COG8: variants seen among roughly 807,000 people sequenced by gnomAD.
COG8 encodes the protein conserved oligomeric Golgi complex subunit 8.
COG8 carries 45 observed loss-of-function variants against 46.5 expected under a neutral mutation model. The ratio of observed to expected loss-of-function variants is 0.97; its 90% CI spans 0.76 to 1.24. The LOEUF is 1.24. COG8 is among the 50% of genes most tolerant of loss of function. The pLI, the probability that COG8 is intolerant of heterozygous loss-of-function variation, is 0.00. For missense variants in COG8, 793 were observed against 820.8 expected (o/e 0.97, Z 0.41); for synonymous variants, 407 against 347.8 (o/e 1.17, Z -1.90).
chr16:69,331,169 C>T (rs968039469), intron 4 of COG8, 74 bp from the exon 5 acceptor site: 23 of 1,545,142 alleles, frequency 1.5e-5, no homozygotes, highest in Non-Finnish European at 1.9e-5. Context: ...TAAGGGAGGC[C>T]GGGCGCGGTG....
At chr16:69,333,983 T>C (rs937071635) in intron 3 of COG8, among the ~76,000 whole-genome samples, 1 of 152,226 alleles carries the variant, frequency 6.6e-6, no homozygotes, top group Non-Finnish European at 1.5e-5. Context: ...GCTCTCCTGC[T>C]GGCCTTGAGG....
At chr16:69,333,178 T>C (rs1294578246) in intron 3 of COG8, among the ~76,000 whole-genome samples, 1 of 146,200 alleles carries the variant, frequency 6.8e-6, no homozygotes, top group African/African-American at 2.8e-5. Context: ...TTTTTTTTTT[T>C]TTTTTTTAGA....
At chr16:69,334,424 A>G (rs2012066531) in intron 3 of COG8, 97 bp downstream of exon 3, 3 of 1,090,298 alleles carry the variant, frequency 2.8e-6, no homozygotes, top group Non-Finnish European at 4.1e-6. Context: ...TCTCCATGTC[A>G]GCAGACACCG....
chr16:69,330,462 C>T, intron 5 of COG8: 2 of 1,471,356 alleles, frequency 1.4e-6, no homozygotes, highest in South Asian at 2.6e-5. Flanking sequence ...TCGACGCCGT[C>T]CGGGGCGGCC....
rs751032320 is a variant in COG8, at chr16:69,336,677, T to G, written c.413A>C (p.Asn138Thr). 6.2e-7 allele frequency: 1 copy of G among 1,614,138 alleles called. No individual in the cohort carries two copies. Among genetic ancestry groups the G allele is most frequent in the African/African-American group, 1.3e-5 (1 of 75,052 alleles). Reference protein sequence around the residue: ...FVKEAEEISSNRRMNSLTLNR... With the variant: ...FVKEAEEISSTRRMNSLTLNR... Reference sequence around the variant, plus strand: ...TAGGGTCAGGCTATTCATCCGGCGGTTGGAGCTGATCTCCTCGGCTTCCTT... The same window carrying G: ...TAGGGTCAGGCTATTCATCCGGCGGGTGGAGCTGATCTCCTCGGCTTCCTT... Residue 138 changes from asparagine to threonine, a missense_variant, in exon 2 of 6, where the codon AAC becomes ACC. Transcript: ENST00000306875.
At chr16:69,332,364 T>C (rs2011929979) in intron 4 of COG8, among the ~76,000 whole-genome samples, 1 of 151,500 alleles carries the variant, frequency 6.6e-6, no homozygotes, top group South Asian at 2.1e-4. Context: ...AAAAAAAGAC[T>C]GTAAAAACCA....
intron 2 of COG8, among the ~76,000 whole-genome samples, chr16:69,335,815 C>CAA (rs550711525): frequency 5.6e-5 from 5 of 88,744 alleles, no homozygotes; most frequent in African/African-American, 1.3e-4. Context: ...GACTCTGTCT[C>CAA]AAAAAAAAAA....
intron 1 of COG8, among the ~76,000 whole-genome samples, chr16:69,337,565 A>G (rs1013728182): frequency 7.9e-5 from 12 of 152,140 alleles, no homozygotes; most frequent in African/African-American, 2.9e-4. Flanking sequence ...ACACTTCTCC[A>G]TATTTGCAGA....
In COG8 at chr16:69,339,523, T is replaced by A; in HGVS notation, c.30A>T (p.Val10=). 2 of 1,608,244 alleles carry A rather than the reference T, an allele frequency of 1.2e-6. No individual in the cohort carries two copies. The highest frequency in any genetic ancestry group is 1.7e-6 in the Non-Finnish European group (2 of 1,179,932). Residue 10 remains valine (V), a synonymous_variant, in exon 1 of 6, where the codon GTA becomes GTT. Transcript: ENST00000306875. ...CGAGAGCCGCTGCTGTGGCCGTGGCTACCGATGGGATAGTCGCCGCGGTCG... is the reference window on the plus strand; with the variant it reads ...CGAGAGCCGCTGCTGTGGCCGTGGCAACCGATGGGATAGTCGCCGCGGTCG... MATAATIPS[V]ATATAAALGE... is the part of the protein sequence containing the mutation.
rs1965666751 is a variant in COG8 at position 69,328,329 on chromosome 16, G to C, written c.*877C>G. On this transcript the variant is annotated 3_prime_UTR_variant, in exon 6 of 6. Coordinates refer to ENST00000306875, the MANE Select transcript of COG8 (RefSeq NM_032382.5). ...TGTATAACCAGGAAGTACTAATCCTGCTTTCTATGCCCAATTGTTAACAGG... is the reference window on the plus strand; with the variant it reads ...TGTATAACCAGGAAGTACTAATCCTCCTTTCTATGCCCAATTGTTAACAGG... The C allele has an allele frequency of 6.6e-6, 1 of 152,128 alleles. No homozygotes were observed. The highest frequency in any genetic ancestry group is 1.5e-5 in the Non-Finnish European group (1 of 68,046). The allele number at this position is 152,128 out of a possible 1,614,324, so 9.4% of individuals were successfully genotyped here.
intron 5 of COG8, among the ~76,000 whole-genome samples, chr16:69,329,746 G>C (rs1032149890): frequency 3.9e-5 from 6 of 152,250 alleles, no homozygotes; most frequent in Non-Finnish European, 8.8e-5. Flanking sequence ...GAGAGCAAGG[G>C]AGCAGAAAGC....
intron 5 of COG8, chr16:69,330,599 G>A: frequency 1.4e-6 from 2 of 1,415,430 alleles, no homozygotes; most frequent in South Asian, 1.6e-5. Flanking sequence ...GACCCGGCCC[G>A]CCCCTTCCGG....
chr16:69,335,177 C>T lies in COG8; in HGVS notation c.757G>A (p.Ala253Thr). 6.2e-7 allele frequency: 1 copy of T among 1,614,214 alleles called. No individual in the cohort carries two copies. The highest frequency in any genetic ancestry group is 8.5e-7 in the Non-Finnish European group (1 of 1,180,032). ...LRVKFLQARD[A>T]WLRSILTAIP... ...GCAGTCAGGATGGACCGGAGCCAAG[C>T]ATCTCGGGCCTGAAGAAACTTCACC... The change falls in exon 3 of 6, where the codon GCT becomes ACT. Residue 253 changes from alanine to threonine, a missense_variant. Ala to Thr is a moderately conservative substitution (Grantham distance 58). Coordinates refer to ENST00000306875, the MANE Select transcript of COG8 (RefSeq NM_032382.5).
rs1196388488 is a variant in COG8 at position 69,329,124 on chromosome 16, G to A, written c.*82C>T. 22 of 1,609,936 alleles carry A rather than the reference G, an allele frequency of 1.4e-5. No individual in the cohort carries two copies. Among genetic ancestry groups the A allele is most frequent in the Non-Finnish European group, 1.9e-5 (22 of 1,179,270 alleles). ...GGTGGTCCATCTCGTGCTGGATGATGCGGGCTGCCCACCCGCTCGCCTGCC... is the reference window on the plus strand; with the variant it reads ...GGTGGTCCATCTCGTGCTGGATGATACGGGCTGCCCACCCGCTCGCCTGCC... On this transcript the variant is annotated 3_prime_UTR_variant, in exon 6 of 6. Transcript: ENST00000306875.
chr16:69,339,148 A>T, intron 1 of COG8, 28 bp downstream of exon 1: 1 of 1,612,820 alleles, frequency 6.2e-7, no homozygotes, highest in Non-Finnish European at 8.5e-7. Flanking sequence ...ACAGTTATAA[A>T]ACCCCTTTAG....
intron 5 of COG8, 68 bp downstream of exon 5, chr16:69,330,745 C>G (rs1297487008): frequency 1.0e-5 from 15 of 1,436,316 alleles, no homozygotes; most frequent in Non-Finnish European, 1.2e-5. Flanking sequence ...CTTCCCGCCT[C>G]CCGAACCCGC....
intron 4 of COG8, 36 bp from the exon 5 acceptor site, chr16:69,331,131 G>A: frequency 3.1e-6 from 5 of 1,611,294 alleles, no homozygotes; most frequent in Non-Finnish European, 4.2e-6. Context: ...ATGGAAAACA[G>A]TTACTAATAA....
At chr16:69,331,610 C>A (rs928424076) in intron 4 of COG8, among the ~76,000 whole-genome samples, 3 of 151,584 alleles carry the variant, frequency 2.0e-5, no homozygotes, top group African/African-American at 4.8e-5. Flanking sequence ...TCAAACAGTT[C>A]TCATGCCTCA....
At chr16:69,336,747 G>T (rs1322893408) in intron 1 of COG8, 35 bp from the exon 2 acceptor site, 1 of 1,574,398 alleles carries the variant, frequency 6.4e-7, no homozygotes. Context: ...ATCCTTCACT[G>T]CTCTGTACCC....
Sources: allele counts gnomAD v4.1 joint callset (sites outside exome capture counted in the v4.1 genomes callset), GRCh38; gene constraint gnomAD v4.1.1; transcripts MANE v1.5; gene names NCBI Gene and HGNC (gene_info 2026-07-23, HGNC 2026-07-21).